The following KCNT2 variants were observed in gnomAD, a reference collection of about 807,000 sequenced individuals.
The protein encoded by KCNT2 is potassium channel subfamily T member 2.
KCNT2 carries 67 observed loss-of-function variants against 153.8 expected under a neutral mutation model. The ratio of observed to expected loss-of-function variants is 0.44; its 90% CI spans 0.36 to 0.53. The LOEUF (loss-of-function observed/expected upper bound fraction) is 0.53, where lower values mean the gene tolerates loss of function less well. Among genes scored for constraint, KCNT2 ranks in the 20% least tolerant of loss-of-function variants. KCNT2 has a pLI of 0.00. For synonymous variants in KCNT2, 500 were observed against 458.8 expected, an observed-to-expected ratio of 1.09 and a Z score of -1.15; for missense variants, 975 against 1,354.8, an observed-to-expected ratio of 0.72 and a Z score of 4.40.
chr1:196,521,971 A>T (rs1218968858), intron 1 of KCNT2, among the ~76,000 whole-genome samples: 1 of 152,192 alleles, frequency 6.6e-6, no homozygotes, highest in Non-Finnish European at 1.5e-5. Context: ...AGCACATTAA[A>T]TTATAAAATA....
intron 27 of KCNT2, among the ~76,000 whole-genome samples, chr1:196,232,875 CATAATTTA>C (rs1489513895): frequency 1.3e-5 from 2 of 151,018 alleles, no homozygotes; most frequent in Non-Finnish European, 3.0e-5. Context: ...GCTTAAGAAA[CATAATTTA>C]TTATAAAATA....
intron 8 of KCNT2, among the ~76,000 whole-genome samples, chr1:196,437,346 T>A (rs940828310): frequency 7.2e-6 from 1 of 138,852 alleles, no homozygotes; most frequent in South Asian, 2.2e-4. Context: ...TTATTTATTT[T>A]TATTAATATA....
chr1:196,248,228 C>T (rs1310132347), intron 26 of KCNT2, among the ~76,000 whole-genome samples: 4 of 151,462 alleles, frequency 2.6e-5, no homozygotes, highest in Admixed American at 2.6e-4. Flanking sequence ...CCAAATGATG[C>T]ATCTTAAAGC....
chr1:196,271,733 G>T (rs960242818), intron 25 of KCNT2, among the ~76,000 whole-genome samples: 4 of 151,992 alleles, frequency 2.6e-5, no homozygotes, highest in Non-Finnish European at 5.9e-5. Context: ...ATGTCTGCGA[G>T]TGTGTGTTTG....
intron 12 of KCNT2, among the ~76,000 whole-genome samples, chr1:196,422,207 G>A (rs921113771): frequency 1.3e-5 from 2 of 152,112 alleles, no homozygotes; most frequent in South Asian, 4.1e-4. Flanking sequence ...GCCCATTCAG[G>A]ACTTACAGTC....
intron 1 of KCNT2, among the ~76,000 whole-genome samples, chr1:196,518,478 T>TAAAAAAAAAAAAAAAAAAAAAAAAAAAAA (rs35962682): frequency 7.9e-6 from 1 of 126,362 alleles, no homozygotes; most frequent in Non-Finnish European, 1.7e-5. Context: ...AAGCTGGATT[T>TAAAAAAAAAAAAAAAAAAAAAAAAAAAAA]AAAAAAAAAA....
At chr1:196,318,600 G>A (rs1480865829) in intron 20 of KCNT2, among the ~76,000 whole-genome samples, 1 of 151,730 alleles carries the variant, frequency 6.6e-6, no homozygotes, top group Admixed American at 6.6e-5. Flanking sequence ...AACATGTGTA[G>A]AATTTAAATA....
chr1:196,231,852 A>C (rs1352981436), intron 27 of KCNT2, among the ~76,000 whole-genome samples: 1 of 151,908 alleles, frequency 6.6e-6, no homozygotes, highest in Non-Finnish European at 1.5e-5. Context: ...GGGTTTGAAA[A>C]GGAGAGAAGA....
At chr1:196,355,818 C>T (rs896026260) in intron 14 of KCNT2, among the ~76,000 whole-genome samples, 2 of 151,764 alleles carry the variant, frequency 1.3e-5, no homozygotes, top group Non-Finnish European at 2.9e-5. Flanking sequence ...AGTTATATCT[C>T]ACTGATTTTC....
At chr1:196,527,204 C>A (rs890468758) in intron 1 of KCNT2, among the ~76,000 whole-genome samples, 3 of 152,132 alleles carry the variant, frequency 2.0e-5, no homozygotes, top group Admixed American at 6.6e-5. Context: ...TATCTCAAAT[C>A]TTCTTGTAGA....
At chr1:196,242,985 CAT>C (rs1655092540) in intron 26 of KCNT2, among the ~76,000 whole-genome samples, 1 of 152,092 alleles carries the variant, frequency 6.6e-6, no homozygotes. Context: ...TTGACAAATG[CAT>C]AGTGTGGCAA....
chr1:196,282,126 T>G, intron 24 of KCNT2, 147 bp downstream of exon 24: 4 of 476,402 alleles, frequency 8.4e-6, no homozygotes, highest in Non-Finnish European at 1.5e-5. Flanking sequence ...CCTTGAAATT[T>G]TTAAAGGAAT....
chr1:196,309,003 C>T (rs1213803228), intron 21 of KCNT2, among the ~76,000 whole-genome samples: 2 of 151,724 alleles, frequency 1.3e-5, no homozygotes, highest in African/African-American at 2.4e-5. Flanking sequence ...ACTTTAAACA[C>T]TATAATATAA....
At chr1:196,531,791 G>A (rs531840730) in intron 1 of KCNT2, among the ~76,000 whole-genome samples, 12 of 152,134 alleles carry the variant, frequency 7.9e-5, no homozygotes, top group Non-Finnish European at 1.6e-4. Flanking sequence ...AATTAGAGAT[G>A]TATTTATTTC....
At chr1:196,543,010 T>C (rs1360052192) in intron 1 of KCNT2, among the ~76,000 whole-genome samples, 3 of 152,002 alleles carry the variant, frequency 2.0e-5, no homozygotes, top group African/African-American at 7.2e-5. Flanking sequence ...ACGTTCAGAG[T>C]AGTGTTAGCA....
intron 12 of KCNT2, among the ~76,000 whole-genome samples, chr1:196,411,516 C>T (rs1394900838): frequency 6.8e-6 from 1 of 147,922 alleles, no homozygotes; most frequent in African/African-American, 2.5e-5. Flanking sequence ...GATGTCTTTC[C>T]ATTTTCCATT....
intron 13 of KCNT2, among the ~76,000 whole-genome samples, chr1:196,380,862 C>T (rs1392544422): frequency 1.3e-5 from 2 of 152,134 alleles, no homozygotes; most frequent in Admixed American, 1.3e-4. Flanking sequence ...TATTTTGATC[C>T]TGTTACTTTA....
chr1:196,520,617 A>T (rs1653240818), intron 1 of KCNT2, among the ~76,000 whole-genome samples: 1 of 152,284 alleles, frequency 6.6e-6, no homozygotes, highest in African/African-American at 2.4e-5. Context: ...CCAATGAAAC[A>T]TGGTAGAGAA....
chr1:196,238,770 T>C (rs1438466360), intron 26 of KCNT2, among the ~76,000 whole-genome samples: 2 of 151,958 alleles, frequency 1.3e-5, no homozygotes, highest in East Asian at 1.9e-4. Flanking sequence ...ACACGGCACA[T>C]GCATACATAT....
Sources: allele counts gnomAD v4.1 joint callset (sites outside exome capture counted in the v4.1 genomes callset), GRCh38; gene constraint gnomAD v4.1.1; transcripts MANE v1.5; gene names NCBI Gene and HGNC (gene_info 2026-07-23, HGNC 2026-07-21).